Variants in FRY observed in about 807,000 individuals in gnomAD.
The protein encoded by FRY is protein furry homolog.
A neutral mutation model predicts 348.4 loss-of-function variants in FRY; 128 were observed. The observed-to-expected ratio is 0.37, with a 90% CI of 0.32 to 0.43. The LOEUF is 0.43. Ranked by LOEUF, FRY falls within the 20% of genes least tolerant of loss-of-function variation. The pLI is 1.00. For synonymous variants in FRY, 1,370 were observed against 1,374.7 expected, an observed-to-expected ratio of 1.00 and a Z score of 0.08; for missense variants, 2,736 against 3,695.2, an observed-to-expected ratio of 0.74 and a Z score of 6.73.
intron 17 of FRY, 36 bp downstream of exon 17, chr13:32,161,287 G>C: frequency 8.0e-7 from 1 of 1,251,112 alleles, no homozygotes; most frequent in Non-Finnish European, 1.2e-6. Flanking sequence ...AATTAATTTC[G>C]ATCCTTTGTT....
At chr13:32,122,218 T>C (rs113320434) in intron 4 of FRY, among the ~76,000 whole-genome samples, 12,401 of 151,810 alleles carry the variant, frequency 0.082, 553 homozygotes, top group African/African-American at 0.13. Context: ...CCGAGGTGGG[T>C]GGATCACAAG....
At chr13:32,210,371 A>T (rs1884616540) in intron 33 of FRY, among the ~76,000 whole-genome samples, 1 of 152,256 alleles carries the variant, frequency 6.6e-6, no homozygotes, top group Non-Finnish European at 1.5e-5. Flanking sequence ...TGCAGGGCTC[A>T]GGTTGGACTA....
intron 3 of FRY, among the ~76,000 whole-genome samples, chr13:32,108,274 T>G (rs140592939): frequency 1.3e-5 from 2 of 152,234 alleles, no homozygotes; most frequent in African/African-American, 4.8e-5. Flanking sequence ...GAAAATGCCT[T>G]CTAGATGAGA....
At position 32,254,194 on chromosome 13, in the gene FRY, G is replaced by C. The variant is rs1255157083; in HGVS notation, c.7246-30G>C. The stretch of plus-strand genomic sequence containing the variant: ...AGCACAAACAACCAAAGGGAGAACG[G>C]TTTCTCAGGAGAGGACTCTTGATTC... On this transcript the variant is annotated intron_variant, in intron 50 of 60. Transcript: ENST00000542859. 5.0e-6 allele frequency: 8 copies of C among 1,612,260 alleles called. No individual in the cohort carries two copies. In the South Asian group the frequency reaches 8.8e-5, roughly 18 times the overall value.
intron 53 of FRY, among the ~76,000 whole-genome samples, chr13:32,264,022 T>C (rs888470341): frequency 1.3e-5 from 2 of 151,962 alleles, no homozygotes; most frequent in Admixed American, 1.3e-4. Context: ...AAAAAAGTAA[T>C]ACCTACGTAA....
At chr13:32,053,254 A>C (rs1371078902) in intron 1 of FRY, among the ~76,000 whole-genome samples, 1 of 152,244 alleles carries the variant, frequency 6.6e-6, no homozygotes, top group Admixed American at 6.5e-5. Context: ...AGTCTTAGAC[A>C]GAAGAGTTAT....
chr13:32,112,134 A>G (rs1030697574), intron 3 of FRY, among the ~76,000 whole-genome samples: 2 of 152,198 alleles, frequency 1.3e-5, no homozygotes, highest in Non-Finnish European at 2.9e-5. Context: ...TTCCCACAAT[A>G]TACTTAGAAA....
Position 32,209,616 on chromosome 13 carries a change from A to G in FRY, c.4307A>G (p.Glu1436Gly). 6.2e-7 allele frequency: 1 copy of G among 1,614,074 alleles called. No individual in the cohort carries two copies. Among genetic ancestry groups the G allele is most frequent in the Non-Finnish European group, 8.5e-7 (1 of 1,179,954 alleles). The change falls in exon 33 of 61, where the codon GAA (glutamate) becomes GGA (glycine). Residue 1436 changes from glutamate (E) to glycine (G), a missense_variant. Transcript: ENST00000542859. ...GATGAAGTTCCTGGGCCAGAAATGG[A>G]AAATGCTTGGAATGCTTTAGCCAAC... ...YGDEVPGPEMENAWNALANNE... is the reference protein window; with the variant it reads ...YGDEVPGPEMGNAWNALANNE...
rs1468118859 is a variant in FRY, at chr13:32,274,856, G to T, written c.8151G>T (p.Arg2717Ser). ...TTGCCTTGCAGAATATTCAGAAAAG[G>T]TTCTGCTTCCTAACCTGTGATGCAG... The part of the protein sequence containing the change: ...FSSLFKNIQK[R>S]FCFLTCDAAS... Residue 2717 changes from arginine (R) to serine (S), a missense_variant, in exon 56 of 61, where the codon AGG becomes AGT. Transcript: ENST00000542859. 2 of 1,613,378 alleles carry T rather than the reference G, an allele frequency of 1.2e-6. No homozygotes were observed. The highest frequency in any genetic ancestry group is 2.7e-5 in the African/African-American group (2 of 74,930).
chr13:32,294,632 C>T, intron 60 of FRY, 62 bp downstream of exon 60: 1 of 1,287,570 alleles, frequency 7.8e-7, no homozygotes, highest in Non-Finnish European at 1.1e-6. Flanking sequence ...GTTACTCTGT[C>T]ATGGTTGGAG....
At chr13:32,099,213 C>A (rs453774) in intron 2 of FRY, among the ~76,000 whole-genome samples, 104,997 of 151,764 alleles carry the variant, frequency 0.69, 36,547 homozygotes, top group South Asian at 0.79. Context: ...TTCTAATCCT[C>A]AACCAAATTT....
intron 14 of FRY, 25 bp from the exon 15 acceptor site, chr13:32,155,466 G>T: frequency 6.3e-7 from 1 of 1,588,970 alleles, no homozygotes. Flanking sequence ...CTTTCCTTTT[G>T]TCATGACAAT....
At chr13:32,056,242 T>C (rs900623830) in intron 1 of FRY, among the ~76,000 whole-genome samples, 1 of 150,412 alleles carries the variant, frequency 6.6e-6, no homozygotes, top group Non-Finnish European at 1.5e-5. Flanking sequence ...GAATGGGTGA[T>C]CTTTGGAGGT....
chr13:32,177,721 A>G (rs1184529588), intron 20 of FRY, among the ~76,000 whole-genome samples: 1 of 152,232 alleles, frequency 6.6e-6, no homozygotes, highest in Non-Finnish European at 1.5e-5. Context: ...AAGATATTTC[A>G]GTGTAAGGAA....
At chr13:32,241,353 G>C (rs145207321) in intron 46 of FRY, among the ~76,000 whole-genome samples, 2 of 152,190 alleles carry the variant, frequency 1.3e-5, no homozygotes, top group Non-Finnish European at 2.9e-5. Flanking sequence ...GTGCTTCCAC[G>C]TGGGTGAACC....
rs781660477 is a variant in FRY at position 32,149,763 on chromosome 13, G to T, written c.1408G>T (p.Ala470Ser). The stretch of plus-strand genomic sequence containing the variant: ...TTTACTACAGGAACGTTTAGATTTT[G>T]CAATGAAAGAAATCATTTTCGATTT... The part of the protein sequence containing the change: ...QFIAQERLDF[A>S]MKEIIFDFLC... The change falls in exon 14 of 61, where the codon GCA becomes TCA. Residue 470 changes from alanine (A) to serine (S), a missense_variant. Around this residue, in one of 9 missense-constraint regions of FRY, gnomAD observed 191 missense variants for 370.2 expected, o/e 0.52. Transcript: ENST00000542859. The T allele has an allele frequency of 1.2e-5, 19 of 1,599,342 alleles. No homozygotes were observed. The South Asian group carries it at 1.5e-4, about 13-fold the overall frequency.
At position 32,051,572 on chromosome 13, in the gene FRY, T is replaced by C. The variant is rs150593497; in HGVS notation, c.70+19707T>C. Among the ~76,000 whole-genome samples the C allele has an allele frequency of 3.6e-3, 543 of 152,364 alleles. 2 individuals carry two copies. Among genetic ancestry groups the C allele is most frequent in the African/African-American group, 0.012 (482 of 41,582 alleles). Reference sequence around the variant, plus strand: ...TTTACAAGATGAAATGATTCTGCTATAGGAGTACTCTATGTCAAAATAGTG... The same window carrying C: ...TTTACAAGATGAAATGATTCTGCTACAGGAGTACTCTATGTCAAAATAGTG... On this transcript the variant is annotated intron_variant, in intron 1 of 60. Transcript: ENST00000542859.
intron 40 of FRY, among the ~76,000 whole-genome samples, chr13:32,230,724 G>A (rs560757449): frequency 6.6e-6 from 1 of 152,264 alleles, no homozygotes; most frequent in South Asian, 2.1e-4. Context: ...GATCTTTGAG[G>A]AATCGCCACA....
intron 15 of FRY, 124 bp from the exon 16 acceptor site, chr13:32,157,149 C>T: frequency 2.4e-6 from 2 of 831,318 alleles, no homozygotes; most frequent in Non-Finnish European, 2.0e-6. Context: ...ATCAGACAGC[C>T]CTTTTGCTCA....
Sources: allele counts gnomAD v4.1 joint callset (sites outside exome capture counted in the v4.1 genomes callset), GRCh38; gene constraint gnomAD v4.1.1; regional missense constraint gnomAD v4.1.1; transcripts MANE v1.5; gene names NCBI Gene and HGNC (gene_info 2026-07-23, HGNC 2026-07-21).